Variants in DENND2B observed in about 807,000 individuals in gnomAD.
DENND2B encodes DENN domain-containing protein 2B.
Under a neutral mutation model 116.0 loss-of-function variants are expected in DENND2B, and 32 were observed. The ratio of observed to expected loss-of-function variants is 0.28; its 90% CI spans 0.21 to 0.37. DENND2B has a LOEUF of 0.37. Among genes scored for constraint, DENND2B ranks in the 10% least tolerant of loss-of-function variants. The pLI, the probability that DENND2B is intolerant of heterozygous loss-of-function variation, is 1.00. For missense variants in DENND2B, 1,276 were observed against 1,477.7 expected (o/e 0.86, Z 2.24); for synonymous variants, 588 against 583.9 (o/e 1.01, Z -0.10).
chr11:8,863,169 T>A (rs1034307613), intron 2 of DENND2B, among the ~76,000 whole-genome samples: 7 of 150,810 alleles, frequency 4.6e-5, no homozygotes, highest in Non-Finnish European at 7.4e-5. Flanking sequence ...GTAAGTAAAT[T>A]AATTAATTAA....
intron 1 of DENND2B, among the ~76,000 whole-genome samples, chr11:8,797,890 T>C (rs1314391796): frequency 6.6e-6 from 1 of 152,108 alleles, no homozygotes; most frequent in Admixed American, 6.5e-5. Flanking sequence ...CAATGATGAC[T>C]TCCTAGGTGT....
At position 8,865,008 on chromosome 11, in the gene DENND2B, A is replaced by G. The variant is rs537491465; in HGVS notation, c.-250+5946T>C. On this transcript the variant is annotated intron_variant, in intron 2 of 6. Coordinates refer to the DENND2B transcript ENST00000524757. ...AGGAGTTTCCAAAACATTAACAAAC[A>G]GGGACAAATTCCCAGCATATTCTAA... is the stretch of plus-strand genomic sequence containing the variant. 3.9e-5 allele frequency among the ~76,000 whole-genome samples: 6 copies of G among 152,390 alleles called. No individual in the cohort carries two copies. The South Asian group carries it at 1.2e-3, about 32-fold the overall frequency.
At chr11:8,706,222 C>A (rs996996597) in intron 13 of DENND2B, among the ~76,000 whole-genome samples, 4 of 152,154 alleles carry the variant, frequency 2.6e-5, no homozygotes, top group Non-Finnish European at 4.4e-5. Context: ...TCCAGCACCA[C>A]TGCACAATAT....
At chr11:8,695,048 C>A (rs2040116811) in intron 19 of DENND2B, among the ~76,000 whole-genome samples, 1 of 151,700 alleles carries the variant, frequency 6.6e-6, no homozygotes, top group African/African-American at 2.4e-5. Context: ...AGTGACAGAG[C>A]CAGACCTTGC....
intron 1 of DENND2B, chr11:8,787,142 A>G (rs1341564147): frequency 6.6e-6 from 1 of 152,204 alleles, no homozygotes; most frequent in African/African-American, 2.4e-5. Flanking sequence ...TCCTTCCACT[A>G]TGCCATGGAA....
At chr11:8,871,471 C>T (rs909458493), upstream of DENND2B, 6 of 152,394 alleles carry the variant, frequency 3.9e-5, no homozygotes, top group African/African-American at 7.2e-5. Context: ...AAAAGCGGCT[C>T]TTCTGGTATG....
intron 2 of DENND2B, among the ~76,000 whole-genome samples, chr11:8,868,838 T>C (rs1359831978): frequency 6.6e-6 from 1 of 152,246 alleles, no homozygotes; most frequent in Non-Finnish European, 1.5e-5. Flanking sequence ...GAAACCGCCC[T>C]GCCTCAGAAT....
chr11:8,744,297 C>A (rs1401217031), intron 2 of DENND2B, among the ~76,000 whole-genome samples: 3 of 151,868 alleles, frequency 2.0e-5, no homozygotes, highest in African/African-American at 7.3e-5. Context: ...CCATGCCCGG[C>A]TAATTTTTGT....
rs140543314 is a variant in DENND2B, at chr11:8,725,410, T to C, written c.1477+663A>G. Among the ~76,000 whole-genome samples, 281 of 151,724 alleles carry C rather than the reference T, an allele frequency of 1.9e-3. 3 individuals are homozygous for C. The highest frequency in any genetic ancestry group is 0.018 in the South Asian group (84 of 4,790). On this transcript the variant is annotated intron_variant, in intron 4 of 19. Transcript: ENST00000313726. ...TTTTTTTGAGACGGAGTTTCACTCA[T>C]GTTGCCCAGGCAGGAGTGCAATGGC...
chr11:8,820,525 A>C (rs1401488983), intron 4 of DENND2B, among the ~76,000 whole-genome samples: 1 of 152,194 alleles, frequency 6.6e-6, no homozygotes, highest in Non-Finnish European at 1.5e-5. Context: ...TTCCTAGATT[A>C]GTATTTTTTT....
chr11:8,695,571 A>G (rs777694946), intron 18 of DENND2B, 22 bp from the exon 19 acceptor site: 1 of 1,608,580 alleles, frequency 6.2e-7, no homozygotes, highest in Non-Finnish European at 8.5e-7. Flanking sequence ...AAACAGGCAC[A>G]GGGAAGAGAA....
rs541113222 is a variant in DENND2B, at chr11:8,857,727, C to T, written c.-249-291G>A. Among the ~76,000 whole-genome samples the T allele has an allele frequency of 1.5e-3, 229 of 152,312 alleles. 1 individual carries two copies. Among genetic ancestry groups the T allele is most frequent in the Non-Finnish European group, 2.3e-3 (155 of 68,028 alleles). On this transcript the variant is annotated intron_variant, in intron 2 of 6. Transcript: ENST00000524757. ...GCAGCACTGTGTAGAAGAAAGGGAA[C>T]TAAATTAGGAGTCAAAACACCTGGA...
chr11:8,770,272 C>T (rs1245542843), intron 1 of DENND2B, among the ~76,000 whole-genome samples: 3 of 152,108 alleles, frequency 2.0e-5, no homozygotes, highest in Admixed American at 6.5e-5. Flanking sequence ...GGATTAAATG[C>T]AAAAGGTATC....
chr11:8,902,247 AC>A (rs758381545), intron 1 of DENND2B, among the ~76,000 whole-genome samples: 3 of 151,404 alleles, frequency 2.0e-5, no homozygotes, highest in Non-Finnish European at 4.4e-5. Context: ...AATCACTTGA[AC>A]CCAGGAGGCA....
intron 3 of DENND2B, among the ~76,000 whole-genome samples, chr11:8,729,558 A>ATGC (rs914119288): frequency 2.8e-4 from 42 of 152,210 alleles, no homozygotes; most frequent in African/African-American, 9.7e-4. Flanking sequence ...TTAATTTCTA[A>ATGC]TGCTGGTACT....
chr11:8,754,725 A>G (rs2053306560), intron 1 of DENND2B, among the ~76,000 whole-genome samples: 2 of 152,264 alleles, frequency 1.3e-5, no homozygotes, highest in South Asian at 2.1e-4. Flanking sequence ...ACACAATGGA[A>G]TATTATTCAG....
intron 3 of DENND2B, among the ~76,000 whole-genome samples, chr11:8,846,768 C>A (rs566106112): frequency 1.3e-5 from 2 of 152,314 alleles, no homozygotes; most frequent in Middle Eastern, 6.8e-3. Context: ...CCTCATCATT[C>A]TCTGTTTATA....
intron 1 of DENND2B, among the ~76,000 whole-genome samples, chr11:8,901,188 T>G (rs1480219241): frequency 1.3e-5 from 2 of 151,216 alleles, no homozygotes; most frequent in Non-Finnish European, 2.9e-5. Context: ...AGTTTGTTCT[T>G]CTTTTCCTAG....
chr11:8,753,379 T>C (rs2052918869), intron 1 of DENND2B, among the ~76,000 whole-genome samples: 3 of 152,170 alleles, frequency 2.0e-5, no homozygotes, highest in African/African-American at 4.8e-5. Context: ...AAGACATGTA[T>C]ACTGTAAATT....
Sources: gnomAD v4.1 joint callset for allele counts (sites outside exome capture counted in the v4.1 genomes callset) on GRCh38, gnomAD v4.1.1 for gene constraint, MANE v1.5 for transcripts, NCBI Gene and HGNC (gene_info 2026-07-23, HGNC 2026-07-21) for gene names.